AEBP2: variants seen among roughly 807,000 people sequenced by gnomAD.
AEBP2 encodes the protein zinc finger protein AEBP2.
In AEBP2, 10 loss-of-function variants were observed where a neutral mutation model predicts 50.8. The ratio of observed to expected loss-of-function variants is 0.20; its 90% CI spans 0.12 to 0.33. The LOEUF is 0.33. AEBP2 is among the 10% of genes least tolerant of loss of function. The pLI is 1.00. For missense variants in AEBP2, 570 were observed against 688.0 expected (o/e 0.83, Z 1.92); for synonymous variants, 296 against 261.3 (o/e 1.13, Z -1.28).
intron 1 of AEBP2, among the ~76,000 whole-genome samples, chr12:19,425,904 T>A (rs959779732): frequency 9.9e-5 from 15 of 152,114 alleles, no homozygotes; most frequent in Non-Finnish European, 1.6e-4. Flanking sequence ...GGATGCTTTC[T>A]GATGCTTGAT....
At chr12:19,414,576 G>A (rs1187641536) in intron 1 of AEBP2, among the ~76,000 whole-genome samples, 1 of 152,156 alleles carries the variant, frequency 6.6e-6, no homozygotes, top group Non-Finnish European at 1.5e-5. Context: ...GCTCAGCACT[G>A]GAGGGCGATG....
intron 1 of AEBP2, among the ~76,000 whole-genome samples, chr12:19,461,786 C>T (rs1201642023): frequency 6.6e-6 from 1 of 152,096 alleles, no homozygotes; most frequent in Non-Finnish European, 1.5e-5. Context: ...GCTGGAATTA[C>T]AGGAGTGAGC....
At chr12:19,499,909 T>A (rs1435104927) in intron 4 of AEBP2, among the ~76,000 whole-genome samples, 188 bp from the exon 5 acceptor site, 2 of 152,204 alleles carry the variant, frequency 1.3e-5, no homozygotes, top group Non-Finnish European at 2.9e-5. Context: ...TAACCCACAT[T>A]CACTCATTTG....
intron 3 of AEBP2, among the ~76,000 whole-genome samples, chr12:19,488,871 C>T (rs950250059): frequency 1.3e-5 from 2 of 152,128 alleles, no homozygotes; most frequent in African/African-American, 4.8e-5. Context: ...CTCACCACAA[C>T]CTCCGCCTCC....
At chr12:19,474,470 T>C (rs1030453581) in intron 3 of AEBP2, among the ~76,000 whole-genome samples, 3 of 152,166 alleles carry the variant, frequency 2.0e-5, no homozygotes, top group Non-Finnish European at 4.4e-5. Flanking sequence ...ATTATTTGTC[T>C]CTCTCTTTTT....
At chr12:19,509,006 A>T in intron 5 of AEBP2, 6 of 532,890 alleles carry the variant, frequency 1.1e-5, no homozygotes, top group Non-Finnish European at 1.8e-5. Flanking sequence ...TTACCTTTTT[A>T]CTAAGAACGT....
intron 1 of AEBP2, among the ~76,000 whole-genome samples, chr12:19,431,863 A>G (rs1194128093): frequency 6.6e-6 from 1 of 152,204 alleles, no homozygotes; most frequent in Non-Finnish European, 1.5e-5. Context: ...CTTGCTCACC[A>G]TGGCAATATC....
chr12:19,518,218 CTTTTTTTT>C lies in AEBP2; in HGVS notation c.*114_*121del, dbSNP rs34795094. 4.4e-6 allele frequency: 5 copies of C among 1,132,176 alleles called. No individual in the cohort carries two copies. Among genetic ancestry groups the C allele is most frequent in the East Asian group, 8.2e-5 (2 of 24,462 alleles). The allele number at this position is 1,132,176 out of a possible 1,614,324, so 70.1% of individuals were successfully genotyped here. ...AGTTGCACATTAGAGTCAACCCCTT[CTTTTTTTT>C]TTTTTTTTTTTTAAATCCAGTATTT... On this transcript the variant is annotated 3_prime_UTR_variant, in exon 8 of 8. Coordinates refer to ENST00000266508, the MANE Select transcript of AEBP2 (RefSeq NM_153207.5).
intron 1 of AEBP2, among the ~76,000 whole-genome samples, chr12:19,412,682 C>T (rs1365974068): frequency 1.3e-5 from 2 of 152,234 alleles, no homozygotes; most frequent in Middle Eastern, 3.4e-3. Context: ...AATCCTCCTG[C>T]CTCGGCCTCG....
At chr12:19,486,602 C>T (rs576881245) in intron 3 of AEBP2, among the ~76,000 whole-genome samples, 16 of 152,036 alleles carry the variant, frequency 1.1e-4, no homozygotes, top group Non-Finnish European at 1.8e-4. Context: ...AGGCTGGTTT[C>T]GAACTCGCAG....
intron 5 of AEBP2, among the ~76,000 whole-genome samples, chr12:19,509,443 A>G (rs1949200722): frequency 6.6e-6 from 1 of 152,162 alleles, no homozygotes; most frequent in African/African-American, 2.4e-5. Context: ...TTGTGAAAAT[A>G]TATGATTAAA....
At chr12:19,486,942 A>G (rs1948818649) in intron 3 of AEBP2, among the ~76,000 whole-genome samples, 1 of 151,848 alleles carries the variant, frequency 6.6e-6, no homozygotes, top group East Asian at 1.9e-4. Context: ...ACAGGCATCT[A>G]CCGATCCTTT....
At chr12:19,508,342 T>C (rs1452934437) in intron 5 of AEBP2, among the ~76,000 whole-genome samples, 1 of 152,192 alleles carries the variant, frequency 6.6e-6, no homozygotes, top group Non-Finnish European at 1.5e-5. Context: ...ATTATAGGTG[T>C]GAGCCACTGC....
upstream of AEBP2, among the ~76,000 whole-genome samples, chr12:19,436,267 G>A (rs556571209): frequency 2.0e-5 from 3 of 152,160 alleles, no homozygotes; most frequent in East Asian, 1.9e-4. Flanking sequence ...TTACCCTATC[G>A]TCTAAAAAAT....
chr12:19,422,105 G>A (rs553093732), intron 1 of AEBP2, among the ~76,000 whole-genome samples: 6 of 152,262 alleles, frequency 3.9e-5, no homozygotes, highest in East Asian at 1.9e-4. Flanking sequence ...TTGCGCCACT[G>A]CACTCTGGCC....
chr12:19,404,777 G>T (rs1297291279), intron 1 of AEBP2, among the ~76,000 whole-genome samples: 1 of 152,042 alleles, frequency 6.6e-6, no homozygotes, highest in African/African-American at 2.4e-5. Context: ...CGGGAGAGTT[G>T]AGTTCTCAGT....
chr12:19,451,629 A>C (rs1307753397), intron 1 of AEBP2, among the ~76,000 whole-genome samples: 2 of 152,066 alleles, frequency 1.3e-5, no homozygotes, highest in Admixed American at 1.3e-4. Context: ...CACACCTATT[A>C]GTGCTGTATA....
Position 19,440,113 on chromosome 12 carries a change from C to G in AEBP2, c.414C>G (p.Arg138=). 1.3e-6 allele frequency: 2 copies of G among 1,505,728 alleles called. No homozygotes were observed. Among genetic ancestry groups the G allele is most frequent in the Non-Finnish European group, 8.8e-7 (1 of 1,133,444 alleles). 93.3% of individuals were successfully genotyped at this position (1,505,728 alleles called of 1,614,324 possible). A position where few individuals can be genotyped will look rare whatever the true frequency, so the allele number is the denominator to read the frequency against. ...GCGGGAGCAGCAGCGACGAGACCCG[C>G]TCGTTGAGCCCCGGCGCCGCCAGCA... ...SSGGSSSDET[R]SLSPGAASSS... is the part of the protein sequence containing the mutation. The change falls in exon 1 of 8, where the codon CGC becomes CGG. Residue 138 remains arginine (R), a synonymous_variant. Transcript: ENST00000266508.
chr12:19,472,633 ATCTC>A (rs1395983026), intron 2 of AEBP2, among the ~76,000 whole-genome samples: 1 of 152,162 alleles, frequency 6.6e-6, no homozygotes, highest in African/African-American at 2.4e-5. Flanking sequence ...GGTCTCAAAT[ATCTC>A]TCTATGTCAT....
Sources: allele counts gnomAD v4.1 joint callset (sites outside exome capture counted in the v4.1 genomes callset), GRCh38; gene constraint gnomAD v4.1.1; transcripts MANE v1.5; gene names NCBI Gene and HGNC (gene_info 2026-07-23, HGNC 2026-07-21).